SGTA: variants seen among roughly 807,000 people sequenced by gnomAD.
SGTA encodes small glutamine rich tetratricopeptide repeat co-chaperone alpha.
SGTA carries 22 observed loss-of-function variants against 44.3 expected under a neutral mutation model. That is an observed-to-expected ratio of 0.50 (90% confidence interval 0.36 to 0.71). The LOEUF (loss-of-function observed/expected upper bound fraction) is 0.71. Among genes scored for constraint, SGTA ranks in the 30% least tolerant of loss-of-function variants. SGTA has a pLI of 0.00. For missense variants in SGTA, 341 were observed against 435.9 expected (o/e 0.78, Z 1.94); for synonymous variants, 174 against 177.6 (o/e 0.98, Z 0.16).
At chr19:2,760,088 T>C (rs1352555216) in intron 8 of SGTA, among the ~76,000 whole-genome samples, 1 of 152,176 alleles carries the variant, frequency 6.6e-6, no homozygotes, top group African/African-American at 2.4e-5. Flanking sequence ...TGGCAAACTC[T>C]CTGTGTAAAG....
chr19:2,767,241 G>T lies in SGTA; in HGVS notation c.208-21C>A. ...ATCTCCTGGACCCGGAGGCAAAGGC[G>T]GCCCGCTGTCCTCTCCTCCCAACCT... is the stretch of plus-strand genomic sequence containing the variant. On this transcript the variant is annotated intron_variant, in intron 3 of 11. Transcript: ENST00000221566. The surrounding 1 kb of genome is among the most constrained non-coding windows in gnomAD (Gnocchi z 7.3). The T allele has an allele frequency of 6.3e-7, 1 of 1,582,280 alleles. No individual in the cohort carries two copies. The highest frequency in any genetic ancestry group is 8.6e-7 in the Non-Finnish European group (1 of 1,161,022).
At chr19:2,759,729 G>A (rs1445658227) in intron 8 of SGTA, among the ~76,000 whole-genome samples, 1 of 152,188 alleles carries the variant, frequency 6.6e-6, no homozygotes, top group Non-Finnish European at 1.5e-5. Flanking sequence ...AGGAGGCCGA[G>A]GCAGGCAGAT....
Position 2,772,044 on chromosome 19 carries a change from G to A in SGTA, c.-23-2953C>T, listed in dbSNP as rs550689929. Among the ~76,000 whole-genome samples the A allele has an allele frequency of 1.1e-4, 17 of 152,346 alleles. No individual in the cohort carries two copies. In the East Asian group the frequency reaches 2.9e-3, roughly 26 times the overall value. ...CAGGGTGGCGGGGCTGTGTGTCACC[G>A]GCCTTCCTCCGGGGCCGGGCCCAGC... On this transcript the variant is annotated intron_variant, in intron 1 of 11. Coordinates refer to ENST00000221566, the MANE Select transcript of SGTA (RefSeq NM_003021.4).
chr19:2,773,771 G>T, intron 1 of SGTA, among the ~76,000 whole-genome samples: 3 of 31,656 alleles, frequency 9.5e-5, no homozygotes, highest in East Asian at 2.9e-3. Context: ...GCCACACGGC[G>T]GGGACACCGA....
Position 2,767,292 on chromosome 19 carries a change from C to T in SGTA, c.208-72G>A, listed in dbSNP as rs1335223597. The T allele has an allele frequency of 1.7e-5, 22 of 1,259,842 alleles. No individual in the cohort carries two copies. The highest frequency in any genetic ancestry group is 9.1e-5 in the South Asian group (7 of 76,728). 78.0% of individuals were successfully genotyped at this position (1,259,842 alleles called of 1,614,324 possible). A position where few individuals can be genotyped will look rare whatever the true frequency, so the allele number is the denominator to read the frequency against. On this transcript the variant is annotated intron_variant, in intron 3 of 11. Coordinates refer to ENST00000221566, the MANE Select transcript of SGTA (RefSeq NM_003021.4). This position sits in a 1 kb window ranked among gnomAD's most constrained non-coding sequence, Gnocchi z 7.3. ...GGCACCCTCCGGCCTTAGCTTCCCTCGGGACGCCAGAGAGGGCCACCAAGT... is the reference window on the plus strand; with the variant it reads ...GGCACCCTCCGGCCTTAGCTTCCCTTGGGACGCCAGAGAGGGCCACCAAGT...
chr19:2,771,190 C>G (rs996135553), intron 1 of SGTA, among the ~76,000 whole-genome samples: 4 of 152,192 alleles, frequency 2.6e-5, no homozygotes, highest in African/African-American at 9.7e-5. Flanking sequence ...CTTTGGGAGG[C>G]CGAGGCAGGC....
In SGTA at chr19:2,769,093, TG is replaced by T. The variant is rs1371234718; in HGVS notation, c.-23-3del. On this transcript the variant is annotated splice_polypyrimidine_tract_variant and splice_region_variant and intron_variant, in intron 1 of 11. Coordinates refer to ENST00000221566, the MANE Select transcript of SGTA (RefSeq NM_003021.4). ...TCTTGAGCCCAGAAGAGGTGATACC[TG>T]GGGGTGCAGGAAAAACCCCCATCAG... The T allele has an allele frequency of 6.3e-7, 1 of 1,599,408 alleles. No individual in the cohort carries two copies. The highest frequency in any genetic ancestry group is 8.6e-7 in the Non-Finnish European group (1 of 1,167,200).
Position 2,763,632 on chromosome 19 carries a change from C to T in SGTA, c.497+21G>A, listed in dbSNP as rs367834595. On this transcript the variant is annotated intron_variant, in intron 6 of 11. Transcript: ENST00000221566. The surrounding 1 kb of genome is among the most constrained non-coding windows in gnomAD (Gnocchi z 5.8). Reference sequence around the variant, plus strand: ...GGGGTCCCGAGAGACTGGAAAGGCGCGGCCGTGGACAGGCACTCACCCCAT... The same window carrying T: ...GGGGTCCCGAGAGACTGGAAAGGCGTGGCCGTGGACAGGCACTCACCCCAT... The T allele has an allele frequency of 6.9e-5, 108 of 1,560,004 alleles. 2 individuals are homozygous for T. In the South Asian group the frequency reaches 7.5e-4, roughly 11 times the overall value.
chr19:2,767,021 A>G lies in SGTA; in HGVS notation c.292+115T>C. The G allele has an allele frequency of 1.3e-6, 1 of 777,438 alleles. No homozygotes were observed. The highest frequency in any genetic ancestry group is 2.2e-6 in the Non-Finnish European group (1 of 445,220). 48.2% of individuals were successfully genotyped at this position (777,438 alleles called of 1,614,324 possible). ...CCCACAAGCCAGCGTGCTGGTCATC[A>G]GGGCAATTCCCTCAGCTCCCTGGGC... On this transcript the variant is annotated intron_variant, in intron 4 of 11. Transcript: ENST00000221566. The surrounding 1 kb of genome is among the most constrained non-coding windows in gnomAD (Gnocchi z 7.3).
intron 2 of SGTA, among the ~76,000 whole-genome samples, chr19:2,768,223 C>T (rs991460768): frequency 6.6e-6 from 1 of 152,084 alleles, no homozygotes; most frequent in African/African-American, 2.4e-5. Flanking sequence ...AGGGGGCCCT[C>T]CCACCGAGCC....
chr19:2,767,348 T>C lies in SGTA; in HGVS notation c.208-128A>G. 1.3e-6 allele frequency: 1 copy of C among 762,634 alleles called. No homozygotes were observed. The highest frequency in any genetic ancestry group is 2.1e-6 in the Non-Finnish European group (1 of 467,728). 47.2% of individuals were successfully genotyped at this position (762,634 alleles called of 1,614,324 possible). On this transcript the variant is annotated intron_variant, in intron 3 of 11. Transcript: ENST00000221566. This position sits in a 1 kb window ranked among gnomAD's most constrained non-coding sequence, Gnocchi z 7.3. The stretch of plus-strand genomic sequence containing the variant: ...AGGACCCGGGGGCTCTGCAGGGGAC[T>C]CCTGGCCCCCCATCATGTGGCCCTG...
At position 2,755,403 on chromosome 19, in the gene SGTA, A is replaced by G. The variant is rs913349618; in HGVS notation, c.*537T>C. The G allele has an allele frequency of 5.1e-6, 5 of 987,608 alleles. No homozygotes were observed. In the African/African-American group the frequency reaches 8.7e-5, roughly 17 times the overall value. The allele number at this position is 987,608 out of a possible 1,614,324, so 61.2% of individuals were successfully genotyped here. A position where few individuals can be genotyped will look rare whatever the true frequency, so the allele number is the denominator to read the frequency against. On this transcript the variant is annotated 3_prime_UTR_variant, in exon 12 of 12. Transcript: ENST00000221566. This position sits in a 1 kb window ranked among gnomAD's most constrained non-coding sequence, Gnocchi z 5.2. Reference sequence around the variant, plus strand: ...TCTGCCACTAAAGAGTTCCTCATGCAAACACACATGGCCCGCGGTGCCCAG... The same window carrying G: ...TCTGCCACTAAAGAGTTCCTCATGCGAACACACATGGCCCGCGGTGCCCAG...
In SGTA at chr19:2,762,734, C is replaced by G. The variant is rs975511084; in HGVS notation, c.498-90G>C. On this transcript the variant is annotated intron_variant, in intron 6 of 11. Coordinates refer to ENST00000221566, the MANE Select transcript of SGTA (RefSeq NM_003021.4). ...CCTCGTCCCCGGCGGTCCTGGCAACCCCCAAACCACCTCGGATGGTGCCAC... is the reference window on the plus strand; with the variant it reads ...CCTCGTCCCCGGCGGTCCTGGCAACGCCCAAACCACCTCGGATGGTGCCAC... The G allele has an allele frequency of 3.4e-6, 5 of 1,489,572 alleles. No individual in the cohort carries two copies. In the African/African-American group the frequency reaches 5.5e-5, roughly 16 times the overall value. 92.3% of individuals were successfully genotyped at this position (1,489,572 alleles called of 1,614,324 possible).
intron 1 of SGTA, among the ~76,000 whole-genome samples, chr19:2,773,840 G>A (rs1284504888): frequency 4.1e-5 from 3 of 72,970 alleles, no homozygotes; most frequent in African/African-American, 2.6e-4. Flanking sequence ...GGTGGGTGAC[G>A]CGGCCACACG....
In SGTA at chr19:2,763,158, C is replaced by G. The variant is rs1445406917; in HGVS notation, c.497+495G>C. 6.6e-6 allele frequency among the ~76,000 whole-genome samples: 1 copy of G among 152,162 alleles called. No homozygotes were observed. Among genetic ancestry groups the G allele is most frequent in the African/African-American group, 2.4e-5 (1 of 41,448 alleles). On this transcript the variant is annotated intron_variant, in intron 6 of 11. Coordinates refer to ENST00000221566, the MANE Select transcript of SGTA (RefSeq NM_003021.4). This position sits in a 1 kb window ranked among gnomAD's most constrained non-coding sequence, Gnocchi z 5.8. ...TGGGCAGTTGAACAGGGCCCCTCCCCAGCCTCTGGGGAGACCCAATCCCAC... is the reference window on the plus strand; with the variant it reads ...TGGGCAGTTGAACAGGGCCCCTCCCGAGCCTCTGGGGAGACCCAATCCCAC...
At chr19:2,757,859 G>A (rs1914873616) in intron 9 of SGTA, 77 bp from the exon 10 acceptor site, 4 of 964,858 alleles carry the variant, frequency 4.1e-6, no homozygotes, top group South Asian at 3.6e-5. Flanking sequence ...CAGTGGCCCG[G>A]GAGAGAATCC....
rs1302020154 is a variant in SGTA at position 2,767,577 on chromosome 19, C to T, written c.207+3G>A. ...CAGTGGCTGGGGAAGCATCGAGGCTCACCTTGCCCGTGGCAGCCGCTTCAA... is the reference window on the plus strand; with the variant it reads ...CAGTGGCTGGGGAAGCATCGAGGCTTACCTTGCCCGTGGCAGCCGCTTCAA... On this transcript the variant is annotated splice_donor_region_variant and intron_variant, in intron 3 of 11. Transcript: ENST00000221566. The surrounding 1 kb of genome is among the most constrained non-coding windows in gnomAD (Gnocchi z 7.3). The T allele has an allele frequency of 6.2e-7, 1 of 1,611,334 alleles. No homozygotes were observed. Among genetic ancestry groups the T allele is most frequent in the Admixed American group, 1.7e-5 (1 of 60,006 alleles).
intron 2 of SGTA, among the ~76,000 whole-genome samples, chr19:2,768,042 G>T (rs556197820): frequency 1.2e-4 from 18 of 152,112 alleles, no homozygotes; most frequent in Non-Finnish European, 2.4e-4. Flanking sequence ...GAGGTGCCCC[G>T]GATGCTGTTG....
rs760579851 is a variant in SGTA, at chr19:2,757,775, C to T, written c.745G>A (p.Gly249Ser). The change falls in exon 10 of 12, where the codon GGC becomes AGC. Residue 249 changes from glycine to serine, a missense_variant. Coordinates refer to ENST00000221566, the MANE Select transcript of SGTA (RefSeq NM_003021.4). ...NNPQIQQLMS[G>S]MISGGNNPLG... ...GGGTTGTTGCCACCCGAAATCATGC[C>T]GGACATGCTGCAGGAGAGAGCGCGT... The T allele has an allele frequency of 3.3e-5, 52 of 1,598,162 alleles. No individual in the cohort carries two copies. Among genetic ancestry groups the T allele is most frequent in the South Asian group, 1.7e-4 (15 of 88,080 alleles).
Sources: allele counts gnomAD v4.1 joint callset (sites outside exome capture counted in the v4.1 genomes callset), GRCh38; gene constraint gnomAD v4.1.1; non-coding constraint Gnocchi (gnomAD v3.1); transcripts MANE v1.5; gene names NCBI Gene and HGNC (gene_info 2026-07-23, HGNC 2026-07-21).